Variants in CENPV observed in about 807,000 individuals in gnomAD.
The protein encoded by CENPV is nuclear protein p30.
Under a neutral mutation model 26.4 loss-of-function variants are expected in CENPV, and 15 were observed. The ratio of observed to expected loss-of-function variants is 0.57; its 90% CI spans 0.38 to 0.88. The LOEUF (loss-of-function observed/expected upper bound fraction) is 0.88. Ranked by LOEUF, CENPV falls within the 40% of genes least tolerant of loss-of-function variation. The pLI is 0.00. For missense variants in CENPV, 336 were observed against 376.5 expected, an observed-to-expected ratio of 0.89 and a Z score of 0.89; for synonymous variants, 172 against 165.5, an observed-to-expected ratio of 1.04 and a Z score of -0.30.
At chr17:16,347,580 G>T (rs1337637566) in intron 3 of CENPV, 8 of 151,962 alleles carry the variant, frequency 5.3e-5, no homozygotes, top group African/African-American at 9.7e-5. Flanking sequence ...AATAGCCAGA[G>T]AACTTATTTC....
chr17:16,345,872 G>A (rs960515555), intron 3 of CENPV, among the ~76,000 whole-genome samples: 8 of 152,164 alleles, frequency 5.3e-5, no homozygotes, highest in African/African-American at 1.9e-4. Context: ...ACTGATGGCT[G>A]TGCTTAATTT....
Position 16,353,374 on chromosome 17 carries a change from G to GGAGGCCCCA in CENPV, c.62_63insTGGGGCCTC (p.Gly19_Ser21dup). The GGAGGCCCCA allele has an allele frequency of 4.8e-6, 6 of 1,241,024 alleles. No individual in the cohort carries two copies. The highest frequency in any genetic ancestry group is 6.0e-6 in the Non-Finnish European group (6 of 995,550). The allele number at this position is 1,241,024 out of a possible 1,614,324, so 76.9% of individuals were successfully genotyped here. ...CGGCCGCGGAGGCCGCGGGGGCCGCGGAGGCCCCGGACCGCTTCTGCCCGC... is the reference window on the plus strand; with the variant it reads ...CGGCCGCGGAGGCCGCGGGGGCCGCGGAGGCCCCAGAGGCCCCGGACCGCTTCTGCCCGC... On this transcript the variant is annotated inframe_insertion, in exon 1 of 5. Transcript: ENST00000299736.
chr17:16,348,922 C>A, intron 2 of CENPV: 1 of 1,313,584 alleles, frequency 7.6e-7, no homozygotes, highest in South Asian at 1.6e-5. Flanking sequence ...AACACAGGAC[C>A]AACAGACAGG....
chr17:16,353,006 C>T, intron 1 of CENPV, 21 bp downstream of exon 1: 3 of 1,541,200 alleles, frequency 1.9e-6, no homozygotes, highest in Non-Finnish European at 2.6e-6. Flanking sequence ...GCTCCCGCGC[C>T]CCCCGGCCCG....
rs1001625816 is a variant in CENPV at position 16,348,560 on chromosome 17, C to T, written c.579+56G>A. 8 of 1,607,424 alleles carry T rather than the reference C, an allele frequency of 5.0e-6. No individual in the cohort carries two copies. The African/African-American group carries it at 1.1e-4, about 21-fold the overall frequency. ...GCATGCTAACAGTTGGGTGGGGGGTCCTGTAAATCTCACCAATGGGTTCTG... is the reference window on the plus strand; with the variant it reads ...GCATGCTAACAGTTGGGTGGGGGGTTCTGTAAATCTCACCAATGGGTTCTG... On this transcript the variant is annotated intron_variant, in intron 3 of 4. Coordinates refer to ENST00000299736, the MANE Select transcript of CENPV (RefSeq NM_181716.3).
At chr17:16,348,735 T>C in intron 2 of CENPV, 50 bp from the exon 3 acceptor site, 1 of 1,610,668 alleles carries the variant, frequency 6.2e-7, no homozygotes, top group Non-Finnish European at 8.5e-7. Context: ...ACCTGCATCC[T>C]CTATGCCTGA....
In CENPV at chr17:16,353,450, T is replaced by C. The variant is rs1026482631; in HGVS notation, c.-14A>G. On this transcript the variant is annotated 5_prime_UTR_variant, in exon 1 of 5. Coordinates refer to ENST00000299736, the MANE Select transcript of CENPV (RefSeq NM_181716.3). ...CGATCGCCGCATGGCTCCCGCAGCC[T>C]GGCGCGCAGGCCTCGCAGCGCGGCG... 5 of 1,116,636 alleles carry C rather than the reference T, an allele frequency of 4.5e-6. No individual in the cohort carries two copies. The highest frequency in any genetic ancestry group is 3.3e-5 in the African/African-American group (2 of 59,806). 69.2% of individuals were successfully genotyped at this position (1,116,636 alleles called of 1,614,324 possible).
At chr17:16,345,779 C>T (rs922455616) in intron 3 of CENPV, among the ~76,000 whole-genome samples, 1 of 152,086 alleles carries the variant, frequency 6.6e-6, no homozygotes, top group African/African-American at 2.4e-5. Context: ...GTGCTTGCTT[C>T]CCAGGGCCTA....
At chr17:16,352,982 T>A (rs1463830741) in intron 1 of CENPV, 45 bp downstream of exon 1, 1 of 1,498,876 alleles carries the variant, frequency 6.7e-7, no homozygotes, top group African/African-American at 1.4e-5. Flanking sequence ...GCCGAGGGGG[T>A]CCGCGTGGCA....
intron 2 of CENPV, 60 bp from the exon 3 acceptor site, chr17:16,348,745 A>G (rs2093217919): frequency 6.2e-7 from 1 of 1,605,590 alleles, no homozygotes. Flanking sequence ...TCTATGCCTG[A>G]GCGGCCCAGC....
chr17:16,346,241 T>G (rs2093205956), intron 3 of CENPV, among the ~76,000 whole-genome samples: 1 of 152,134 alleles, frequency 6.6e-6, no homozygotes, highest in South Asian at 2.1e-4. Flanking sequence ...TTGAAATTTA[T>G]TATACAGATA....
intron 1 of CENPV, chr17:16,351,589 T>TA: frequency 1.3e-5 from 2 of 152,358 alleles, no homozygotes; most frequent in East Asian, 3.9e-4. Context: ...CTACAGTTAA[T>TA]TATTTGTTAT....
chr17:16,353,027 A>C lies in CENPV; in HGVS notation c.410T>G (p.Phe137Cys). The change falls in exon 1 of 5, where the codon TTT becomes TGT. Residue 137 changes from phenylalanine (F) to cysteine (C), a missense_variant and splice_region_variant. Around this residue, in one of 2 missense-constraint regions of CENPV, gnomAD observed 155 missense variants for 227.8 expected, o/e 0.68. Transcript: ENST00000299736. ...EGAAKLLLDT[F>C]EYQGLVKHTG... Reference sequence around the variant, plus strand: ...GCGCCCCCCGGCCCGCCGCACTCACAAGGTGTCTAGCAGGAGCTTGGCGGC... The same window carrying C: ...GCGCCCCCCGGCCCGCCGCACTCACCAGGTGTCTAGCAGGAGCTTGGCGGC... 1 of 1,569,410 alleles carries C rather than the reference A, an allele frequency of 6.4e-7. No individual in the cohort carries two copies. The highest frequency in any genetic ancestry group is 8.6e-7 in the Non-Finnish European group (1 of 1,159,572).
chr17:16,345,359 A>G (rs1478157771), intron 3 of CENPV, among the ~76,000 whole-genome samples: 2 of 149,780 alleles, frequency 1.3e-5, no homozygotes, highest in Non-Finnish European at 3.0e-5. Flanking sequence ...GCTTGAGCCC[A>G]GGAGTTCAAG....
At chr17:16,347,264 C>T (rs955793689) in intron 3 of CENPV, among the ~76,000 whole-genome samples, 1 of 152,106 alleles carries the variant, frequency 6.6e-6, no homozygotes, top group Non-Finnish European at 1.5e-5. Flanking sequence ...GTTTCTTATC[C>T]TTGTTAACCC....
At chr17:16,345,923 G>A (rs979083267) in intron 3 of CENPV, among the ~76,000 whole-genome samples, 12 of 152,158 alleles carry the variant, frequency 7.9e-5, no homozygotes, top group South Asian at 2.1e-4. Context: ...TTTGCCAGAC[G>A]TCATAGACAG....
chr17:16,349,705 A>ACCCTGCTCTGTGTCACCTGGGCC, intron 2 of CENPV: 1 of 1,307,324 alleles, frequency 7.6e-7, no homozygotes, highest in Non-Finnish European at 9.7e-7. Flanking sequence ...AGCCCTGAGG[A>ACCCTGCTCTGTGTCACCTGGGCC]CCCTGCTCTG....
intron 3 of CENPV, chr17:16,348,204 T>A (rs964131045): frequency 1.3e-5 from 2 of 153,400 alleles, no homozygotes; most frequent in African/African-American, 4.8e-5. Context: ...TCACCCAGGC[T>A]GGAGTGCAAT....
rs543849083 is a variant in CENPV, at chr17:16,348,533, C to A, written c.579+83G>T. On this transcript the variant is annotated intron_variant, in intron 3 of 4. Coordinates refer to ENST00000299736, the MANE Select transcript of CENPV (RefSeq NM_181716.3). ...CTCCAGGCCCCTCCCATGCTACAGACGGCATGCTAACAGTTGGGTGGGGGG... is the reference window on the plus strand; with the variant it reads ...CTCCAGGCCCCTCCCATGCTACAGAAGGCATGCTAACAGTTGGGTGGGGGG... The A allele has an allele frequency of 5.6e-6, 9 of 1,593,664 alleles. No homozygotes were observed. In the South Asian group the frequency reaches 1.0e-4, roughly 18 times the overall value.
Sources: allele counts gnomAD v4.1 joint callset (sites outside exome capture counted in the v4.1 genomes callset), GRCh38; gene constraint gnomAD v4.1.1; regional missense constraint gnomAD v4.1.1; transcripts MANE v1.5; gene names NCBI Gene and HGNC (gene_info 2026-07-23, HGNC 2026-07-21).